The following MALRD1 variants were observed in gnomAD, a reference collection of about 807,000 sequenced individuals.
MALRD1 encodes MAM and LDL receptor class A domain containing 1, also known as MAM and LDL-receptor class A domain-containing protein 1.
A neutral mutation model predicts 242.1 loss-of-function variants in MALRD1; 247 were observed. The observed-to-expected ratio is 1.02, with a 90% CI of 0.92 to 1.13. The LOEUF (loss-of-function observed/expected upper bound fraction) is 1.13. MALRD1 is among the 50% of genes most tolerant of loss of function. The pLI is 0.00. For missense variants in MALRD1, 2,989 were observed against 2,533.1 expected, an observed-to-expected ratio of 1.18 and a Z score of -3.86; for synonymous variants, 995 against 866.6, an observed-to-expected ratio of 1.15 and a Z score of -2.60.
chr10:19,124,202 C>A (rs1359345551), intron 6 of MALRD1, among the ~76,000 whole-genome samples: 1 of 152,066 alleles, frequency 6.6e-6, no homozygotes, highest in East Asian at 1.9e-4. Flanking sequence ...GGTGGCAGAA[C>A]AAGACCCTGT....
rs1387364451 is a variant in MALRD1 at position 19,595,403 on chromosome 10, C to T, written c.5890C>T (p.Leu1964=). 6.5e-7 allele frequency: 1 copy of T among 1,550,328 alleles called. No individual in the cohort carries two copies. The highest frequency in any genetic ancestry group is 1.4e-5 in the African/African-American group (1 of 73,022). The change falls in exon 34 of 40, where the codon CTG becomes TTG. Residue 1964 remains leucine, a synonymous_variant. Transcript: ENST00000454679. The part of the protein sequence containing the change: ...CSTDECIPSL[L]LCDGVPDCHF... Reference sequence around the variant, plus strand: ...TACAGACGAGTGTATACCTTCCCTCCTGCTATGCGATGGAGTGCCCGACTG... The same window carrying T: ...TACAGACGAGTGTATACCTTCCCTCTTGCTATGCGATGGAGTGCCCGACTG...
intron 31 of MALRD1, among the ~76,000 whole-genome samples, chr10:19,504,249 G>C (rs140833340): frequency 5.9e-5 from 9 of 152,214 alleles, no homozygotes; most frequent in African/African-American, 2.2e-4. Context: ...TAGCAAAGCC[G>C]GAGTGGAAAC....
At chr10:19,516,914 A>G (rs183165042) in intron 31 of MALRD1, among the ~76,000 whole-genome samples, 4 of 152,320 alleles carry the variant, frequency 2.6e-5, no homozygotes, top group Admixed American at 1.3e-4. Context: ...TTAGGCTTAA[A>G]TACTGTAGTC....
chr10:19,183,115 G>GTTTT (rs71387051), intron 14 of MALRD1, among the ~76,000 whole-genome samples: 21 of 137,886 alleles, frequency 1.5e-4, no homozygotes, highest in African/African-American at 4.3e-4. Flanking sequence ...TATTTTGAGG[G>GTTTT]TTTTTTTTTT....
At position 19,350,263 on chromosome 10, in the gene MALRD1, C is replaced by CTTT. The variant is rs1844315033; in HGVS notation, c.4150-1738_4150-1736dup. 1.8e-5 allele frequency among the ~76,000 whole-genome samples: 2 copies of CTTT among 108,810 alleles called. 1 individual carries two copies. Among genetic ancestry groups the CTTT allele is most frequent in the African/African-American group, 6.6e-5 (2 of 30,232 alleles). 71.4% of individuals were successfully genotyped at this position (108,810 alleles called of 152,430 possible). A position where few individuals can be genotyped will look rare whatever the true frequency, so the allele number is the denominator to read the frequency against. ...AGAGATGAGACCTTAATGATTTTTTCTTTTTTTCTTTTTTTTTTTTTTTTT... is the reference window on the plus strand; with the variant it reads ...AGAGATGAGACCTTAATGATTTTTTCTTTTTTTTTTCTTTTTTTTTTTTTTTTT... On this transcript the variant is annotated intron_variant, in intron 25 of 39. Coordinates refer to ENST00000454679, the MANE Select transcript of MALRD1 (RefSeq NM_001142308.3).
intron 36 of MALRD1, among the ~76,000 whole-genome samples, chr10:19,685,492 G>T (rs1473936174): frequency 6.7e-6 from 1 of 150,228 alleles, no homozygotes; most frequent in Non-Finnish European, 1.5e-5. Flanking sequence ...GTGTAGATGT[G>T]TGTGTGTGCT....
At chr10:19,314,107 C>G (rs931646870) in intron 21 of MALRD1, among the ~76,000 whole-genome samples, 7 of 151,560 alleles carry the variant, frequency 4.6e-5, no homozygotes, top group Middle Eastern at 3.4e-3. Flanking sequence ...TTGCTGAGTG[C>G]CACTTGAGTT....
At chr10:19,172,816 C>T (rs760033323) in intron 13 of MALRD1, among the ~76,000 whole-genome samples, 9 of 151,772 alleles carry the variant, frequency 5.9e-5, no homozygotes, top group Admixed American at 1.3e-4. Context: ...AAAACTCTTT[C>T]AAAAGTTAAG....
intron 26 of MALRD1, among the ~76,000 whole-genome samples, chr10:19,376,243 T>C (rs1038564158): frequency 6.6e-6 from 1 of 152,248 alleles, no homozygotes; most frequent in Non-Finnish European, 1.5e-5. Context: ...ATTATAACTG[T>C]CTCATATTTC....
intron 33 of MALRD1, among the ~76,000 whole-genome samples, chr10:19,579,128 T>C (rs572741802): frequency 5.3e-5 from 8 of 152,192 alleles, no homozygotes; most frequent in Non-Finnish European, 1.2e-4. Flanking sequence ...TATGTTTGTC[T>C]TTGTCTTCAG....
At chr10:19,726,021 A>T (rs1027749662) in intron 38 of MALRD1, among the ~76,000 whole-genome samples, 1 of 152,214 alleles carries the variant, frequency 6.6e-6, no homozygotes, top group East Asian at 1.9e-4. Context: ...GTAAATCTTC[A>T]TGATCTTGGA....
At chr10:19,439,629 A>G (rs1834521386) in intron 28 of MALRD1, among the ~76,000 whole-genome samples, 2 of 152,198 alleles carry the variant, frequency 1.3e-5, no homozygotes, top group African/African-American at 4.8e-5. Flanking sequence ...AGAGTGCAGT[A>G]CATTAGCTAT....
chr10:19,634,416 G>A (rs1291874293), intron 36 of MALRD1, among the ~76,000 whole-genome samples: 1 of 152,104 alleles, frequency 6.6e-6, no homozygotes, highest in Non-Finnish European at 1.5e-5. Context: ...GCCCATTTTT[G>A]TGACTTAGAG....
intron 10 of MALRD1, among the ~76,000 whole-genome samples, chr10:19,141,234 T>TACA (rs1451861547): frequency 1.3e-5 from 2 of 152,198 alleles, no homozygotes; most frequent in African/African-American, 4.8e-5. Flanking sequence ...AGACACACGC[T>TACA]ACAACATGGA....
intron 18 of MALRD1, among the ~76,000 whole-genome samples, chr10:19,249,641 A>T (rs1324706888): frequency 6.6e-6 from 1 of 152,022 alleles, no homozygotes; most frequent in Non-Finnish European, 1.5e-5. Context: ...ACGAACATTA[A>T]ATGCACAAAT....
At chr10:19,181,431 A>C (rs1835499755) in intron 14 of MALRD1, among the ~76,000 whole-genome samples, 1 of 152,248 alleles carries the variant, frequency 6.6e-6, no homozygotes, top group African/African-American at 2.4e-5. Context: ...GGAGGAAATT[A>C]TGCTATGAAA....
chr10:19,205,415 A>G, intron 17 of MALRD1, 150 bp downstream of exon 17: 1 of 953,758 alleles, frequency 1.0e-6, no homozygotes, highest in Non-Finnish European at 1.5e-6. Flanking sequence ...TCAAGCCATC[A>G]GTATTTTTAA....
chr10:19,454,430 AT>A (rs1223867635), intron 29 of MALRD1, among the ~76,000 whole-genome samples: 3 of 142,670 alleles, frequency 2.1e-5, no homozygotes, highest in African/African-American at 5.2e-5. Flanking sequence ...ATATATATAT[AT>A]AATTATATGA....
At chr10:19,584,943 C>T (rs1162044855) in intron 33 of MALRD1, among the ~76,000 whole-genome samples, 3 of 152,128 alleles carry the variant, frequency 2.0e-5, no homozygotes, top group Middle Eastern at 3.4e-3. Context: ...GGATAGTTAG[C>T]TCTTCTTGTT....
Sources: gnomAD v4.1 joint callset for allele counts (sites outside exome capture counted in the v4.1 genomes callset) on GRCh38, gnomAD v4.1.1 for gene constraint, MANE v1.5 for transcripts, NCBI Gene and HGNC (gene_info 2026-07-23, HGNC 2026-07-21) for gene names.